DPP6: variants seen among roughly 807,000 people sequenced by gnomAD.
The protein encoded by DPP6 is A-type potassium channel modulatory protein DPP6.
Under a neutral mutation model 122.6 loss-of-function variants are expected in DPP6, and 69 were observed. That is an observed-to-expected ratio of 0.56 (90% CI 0.46 to 0.69). DPP6 has a LOEUF of 0.69. Among genes scored for constraint, DPP6 ranks in the 30% least tolerant of loss-of-function variants. DPP6 has a pLI of 0.00. For missense variants in DPP6, 928 were observed against 1,116.9 expected, an observed-to-expected ratio of 0.83 and a Z score of 2.41; for synonymous variants, 418 against 433.1, an observed-to-expected ratio of 0.97 and a Z score of 0.43.
chr7:154,187,954 G>A (rs2150759045), intron 1 of DPP6, among the ~76,000 whole-genome samples: 1 of 152,186 alleles, frequency 6.6e-6, no homozygotes, highest in East Asian at 1.9e-4. Flanking sequence ...TCATTCTAAT[G>A]GGCATCTATC....
intron 1 of DPP6, among the ~76,000 whole-genome samples, chr7:154,025,992 A>G (rs201705840): frequency 0.017 from 2,408 of 145,070 alleles, 56 homozygotes; most frequent in African/African-American, 0.047. Context: ...CCTTTGGAAT[A>G]GTGTGCCCAA....
intron 17 of DPP6, among the ~76,000 whole-genome samples, chr7:154,860,605 TG>T (rs573492244): frequency 1.8e-3 from 280 of 152,282 alleles, no homozygotes; most frequent in Non-Finnish European, 3.0e-3. Context: ...CAGGGAGGTG[TG>T]GCACTTGCTG....
chr7:154,040,290 C>T (rs1406880806), intron 1 of DPP6, among the ~76,000 whole-genome samples: 13 of 144,572 alleles, frequency 9.0e-5, no homozygotes, highest in Admixed American at 8.7e-4. Context: ...AAGAGAAATC[C>T]ATGAAGCTGT....
intron 6 of DPP6, among the ~76,000 whole-genome samples, chr7:154,664,482 T>A (rs1838016575): frequency 6.6e-6 from 1 of 152,200 alleles, no homozygotes; most frequent in South Asian, 2.1e-4. Context: ...CTCTGCCCTC[T>A]GTGCTTAGAA....
At chr7:154,694,080 G>T (rs1476095790) in intron 7 of DPP6, among the ~76,000 whole-genome samples, 1 of 152,198 alleles carries the variant, frequency 6.6e-6, no homozygotes, top group African/African-American at 2.4e-5. Context: ...TCTGTGCCTG[G>T]TGAGGGCCTG....
At chr7:154,598,396 C>T (rs78939338) in intron 5 of DPP6, among the ~76,000 whole-genome samples, 4,159 of 152,202 alleles carry the variant, frequency 0.027, 205 homozygotes, top group African/African-American at 0.095. Flanking sequence ...TTCCAGGTAA[C>T]GTTATTTGTT....
At chr7:154,179,444 G>T (rs1797967989) in intron 1 of DPP6, among the ~76,000 whole-genome samples, 1 of 152,096 alleles carries the variant, frequency 6.6e-6, no homozygotes, top group African/African-American at 2.4e-5. Flanking sequence ...AGAAGACTTT[G>T]GGCTGAATAT....
chr7:154,669,519 AC>A, intron 7 of DPP6, 78 bp downstream of exon 7: 1 of 1,521,726 alleles, frequency 6.6e-7, no homozygotes, highest in East Asian at 2.5e-5. Flanking sequence ...ATCTCACTGT[AC>A]TCAGCCTGTA....
At chr7:154,636,767 T>C (rs907282664) in intron 5 of DPP6, among the ~76,000 whole-genome samples, 1 of 152,236 alleles carries the variant, frequency 6.6e-6, no homozygotes, top group African/African-American at 2.4e-5. Context: ...AAATCCTACC[T>C]GTTTTCTTTG....
intron 1 of DPP6, among the ~76,000 whole-genome samples, chr7:154,400,816 C>G (rs1448373660): frequency 6.6e-6 from 1 of 152,188 alleles, no homozygotes; most frequent in Non-Finnish European, 1.5e-5. Flanking sequence ...ATGAATTCCT[C>G]TTAATGAAGA....
intron 10 of DPP6, among the ~76,000 whole-genome samples, chr7:154,777,905 T>C (rs1796684956): frequency 6.6e-6 from 1 of 152,182 alleles, no homozygotes; most frequent in Non-Finnish European, 1.5e-5. Flanking sequence ...CATTTTCTTT[T>C]GCTTCCATTT....
intron 1 of DPP6, among the ~76,000 whole-genome samples, chr7:154,442,482 GC>G (rs1819467427): frequency 7.1e-6 from 1 of 141,328 alleles, no homozygotes; most frequent in Non-Finnish European, 1.5e-5. Context: ...GATTTGCCTG[GC>G]AAAATGAAGA....
intron 18 of DPP6, among the ~76,000 whole-genome samples, chr7:154,871,109 T>C (rs1412862696): frequency 6.6e-6 from 1 of 152,218 alleles, no homozygotes; most frequent in African/African-American, 2.4e-5. Context: ...GCAAGATCCC[T>C]TTCTGAGCTC....
At chr7:154,492,034 T>C (rs60270198) in intron 3 of DPP6, among the ~76,000 whole-genome samples, 8,679 of 152,288 alleles carry the variant, frequency 0.057, 814 homozygotes, top group African/African-American at 0.19. Flanking sequence ...GTAGCATCCT[T>C]GGAGCATCTT....
the DPP6 span, among the ~76,000 whole-genome samples, chr7:153,806,582 A>C: frequency 6.6e-6 from 1 of 151,818 alleles, no homozygotes; most frequent in African/African-American, 2.4e-5. Flanking sequence ...CCTTCCATAT[A>C]ATTGGTGGCT....
intron 1 of DPP6, among the ~76,000 whole-genome samples, chr7:154,156,009 C>T (rs933371564): frequency 7.9e-5 from 12 of 152,256 alleles, no homozygotes; most frequent in African/African-American, 2.7e-4. Flanking sequence ...GCTCCAATGC[C>T]TGTGTGTGGC....
At chr7:154,479,080 G>A (rs186484240) in intron 3 of DPP6, among the ~76,000 whole-genome samples, 1 of 152,162 alleles carries the variant, frequency 6.6e-6, no homozygotes, top group Non-Finnish European at 1.5e-5. Context: ...AATGTGTTAG[G>A]TTGGAATTGA....
intron 1 of DPP6, among the ~76,000 whole-genome samples, chr7:154,349,399 C>T (rs1810665992): frequency 6.6e-6 from 1 of 152,188 alleles, no homozygotes; most frequent in African/African-American, 2.4e-5. Context: ...TTGTCTCGAA[C>T]TCCTGACCTC....
At chr7:153,847,017 T>C in the DPP6 span, among the ~76,000 whole-genome samples, 1 of 152,186 alleles carries the variant, frequency 6.6e-6, no homozygotes, top group African/African-American at 2.4e-5. Context: ...TTTTCCTCTC[T>C]ATTTTTCAGA....
Sources: allele counts gnomAD v4.1 joint callset (sites outside exome capture counted in the v4.1 genomes callset), GRCh38; gene constraint gnomAD v4.1.1; transcripts MANE v1.5; gene names NCBI Gene and HGNC (gene_info 2026-07-23, HGNC 2026-07-21).